The following RBMX2 variants were observed in gnomAD, a reference collection of about 807,000 sequenced individuals.
RBMX2 encodes the protein RNA binding motif protein X-linked 2.
For synonymous variants in RBMX2, 77 were observed against 94.3 expected (o/e 0.82, Z 1.07); for missense variants, 191 against 256.0 (o/e 0.75, Z 1.73).
chrX:130,405,229 A>G (rs1266733184), intron 3 of RBMX2, among the ~76,000 whole-genome samples: 2 of 109,565 alleles, frequency 1.8e-5, no homozygotes, highest in East Asian at 5.7e-4. Context: ...AAATACAAAA[A>G]TTAGCCAGGC....
intron 4 of RBMX2, 69 bp downstream of exon 4, chrX:130,409,455 G>C (rs1319091606): frequency 9.3e-7 from 1 of 1,078,288 alleles, no homozygotes; most frequent in African/African-American, 1.9e-5. Flanking sequence ...TTTCTACCTG[G>C]TTCCCGCAGA....
At chrX:130,402,234 A>ACCCC in intron 1 of RBMX2, 21 bp from the exon 2 acceptor site, 11 of 583,434 alleles carry the variant, frequency 1.9e-5, no homozygotes, top group Non-Finnish European at 2.4e-5. Context: ...TACCCTCCCC[A>ACCCC]CCCCCCCCGC....
intron 4 of RBMX2, among the ~76,000 whole-genome samples, chrX:130,409,862 C>A (rs1489657915): frequency 1.8e-5 from 2 of 112,166 alleles, no homozygotes; most frequent in African/African-American, 6.5e-5. Context: ...TAGTTAAAAT[C>A]TGATGGCAGA....
At chrX:130,403,903 T>C in intron 3 of RBMX2, 50 bp downstream of exon 3, 2 of 1,142,396 alleles carry the variant, frequency 1.8e-6, no homozygotes, top group Non-Finnish European at 2.4e-6. Context: ...GTACTTTGTT[T>C]CTGTAATACA....
intron 3 of RBMX2, among the ~76,000 whole-genome samples, chrX:130,405,785 T>C (rs2034481470): frequency 9.2e-6 from 1 of 108,560 alleles, no homozygotes; most frequent in Non-Finnish European, 1.9e-5. Flanking sequence ...ACAGTGACTA[T>C]TTTAAAAAAT....
chrX:130,410,472 T>C (rs2034506863), intron 4 of RBMX2, among the ~76,000 whole-genome samples: 1 of 110,928 alleles, frequency 9.0e-6, no homozygotes, highest in African/African-American at 3.3e-5. Flanking sequence ...CCACAACCTC[T>C]GTTGCCTGGG....
intron 3 of RBMX2, among the ~76,000 whole-genome samples, chrX:130,405,898 A>C (rs1254748416): frequency 2.3e-5 from 1 of 43,347 alleles, no homozygotes; most frequent in Non-Finnish European, 3.1e-5. Context: ...TCTGTCGCCC[A>C]GGCTGGAGTG....
intron 3 of RBMX2, among the ~76,000 whole-genome samples, chrX:130,406,990 T>C (rs1471846733): frequency 2.7e-5 from 3 of 111,383 alleles, no homozygotes; most frequent in Non-Finnish European, 1.9e-5. Context: ...GAATTTTGGA[T>C]TTTCAGATTA....
chrX:130,408,153 C>T (rs1339336531), intron 3 of RBMX2, among the ~76,000 whole-genome samples: 4 of 100,742 alleles, frequency 4.0e-5, no homozygotes. Context: ...TTTAATTCTG[C>T]CTTCTTGTTT....
rs1239756911 is a variant in RBMX2, at chrX:130,413,178, G to T, written c.*330G>T. 2.6e-5 allele frequency: 4 copies of T among 154,077 alleles called. No homozygotes were observed. Among genetic ancestry groups the T allele is most frequent in the Non-Finnish European group, 4.9e-5 (4 of 81,012 alleles). The allele number at this position is 154,077 out of a possible 1,213,427, so 12.7% of individuals were successfully genotyped here. A position where few individuals can be genotyped will look rare whatever the true frequency, so the allele number is the denominator to read the frequency against. The stretch of plus-strand genomic sequence containing the variant: ...TAGAATTCTAGTCTTCGTGTTAGAT[G>T]TTTATAGCCCAGCATCTTGGGACCT... On this transcript the variant is annotated 3_prime_UTR_variant, in exon 6 of 6. Transcript: ENST00000305536.
At position 130,411,363 on chromosome X, in the gene RBMX2, A is replaced by G; in HGVS notation, c.319A>G (p.Ile107Val). 1 of 1,192,064 alleles carries G rather than the reference A, an allele frequency of 8.4e-7. No individual in the cohort carries two copies. Among genetic ancestry groups the G allele is most frequent in the Non-Finnish European group, 1.1e-6 (1 of 886,825 alleles). Residue 107 changes from isoleucine to valine, a missense_variant, in exon 5 of 6, where the codon ATC becomes GTC. Transcript: ENST00000305536. ...TCTTGCTTAGATCAAAGGAAGAACT[A>G]TCCGAGTGGATCATGTGTCTAACTA... is the stretch of plus-strand genomic sequence containing the variant. ...FNGIKIKGRTIRVDHVSNYRA... is the reference protein window; with the variant it reads ...FNGIKIKGRTVRVDHVSNYRA...
In RBMX2 at chrX:130,412,928, T is replaced by C. The variant is rs2124788186; in HGVS notation, c.*80T>C. ...AATTCAGTTGGGTGGTTACTATTTTTGTATCTAAAACTTCTGGGGCTGGAT... is the reference window on the plus strand; with the variant it reads ...AATTCAGTTGGGTGGTTACTATTTTCGTATCTAAAACTTCTGGGGCTGGAT... On this transcript the variant is annotated 3_prime_UTR_variant, in exon 6 of 6. Transcript: ENST00000305536. The C allele has an allele frequency of 9.9e-7, 1 of 1,006,844 alleles. No homozygotes were observed. The highest frequency in any genetic ancestry group is 3.3e-5 in the East Asian group (1 of 30,224). The allele number at this position is 1,006,844 out of a possible 1,213,427, so 83.0% of individuals were successfully genotyped here. A position where few individuals can be genotyped will look rare whatever the true frequency, so the allele number is the denominator to read the frequency against.
chrX:130,409,299 A>G lies in RBMX2; in HGVS notation c.216A>G (p.Lys72=). ...ACATTAATCTCGTGCGGGACAAGAA[A>G]ACTGGGAAATCCAAAGGATTCTGTT... is the stretch of plus-strand genomic sequence containing the variant. The part of the protein sequence containing the change: ...IVNINLVRDK[K]TGKSKGFCFL... Residue 72 remains lysine (K), a synonymous_variant, in exon 4 of 6, where the codon AAA becomes AAG. Coordinates refer to ENST00000305536, the MANE Select transcript of RBMX2 (RefSeq NM_016024.4). 8.3e-7 allele frequency: 1 copy of G among 1,206,628 alleles called. No homozygotes were observed. Among genetic ancestry groups the G allele is most frequent in the Middle Eastern group, 2.3e-4 (1 of 4,335 alleles).
intron 4 of RBMX2, 97 bp downstream of exon 4, chrX:130,409,483 T>C: frequency 1.1e-6 from 1 of 923,032 alleles, no homozygotes; most frequent in Non-Finnish European, 1.5e-6. Flanking sequence ...GCAGCACTTG[T>C]GAGCTTGGTG....
At chrX:130,403,998 A>G (rs1268000478) in intron 3 of RBMX2, 145 bp downstream of exon 3, 5 of 566,375 alleles carry the variant, frequency 8.8e-6, no homozygotes, top group Non-Finnish European at 1.5e-5. Flanking sequence ...TCTGTTCTAG[A>G]TCAGTCCCAG....
chrX:130,405,671 G>A (rs931417797), intron 3 of RBMX2, among the ~76,000 whole-genome samples: 2 of 110,043 alleles, frequency 1.8e-5, no homozygotes, highest in Non-Finnish European at 3.8e-5. Context: ...GGATCAATAT[G>A]TTAGCATTTT....
Position 130,411,487 on chromosome X carries a change from G to A in RBMX2, c.443G>A (p.Ser148Asn). 8.3e-7 allele frequency: 1 copy of A among 1,199,228 alleles called. No individual in the cohort carries two copies. Among genetic ancestry groups the A allele is most frequent in the Non-Finnish European group, 1.1e-6 (1 of 891,240 alleles). The change falls in exon 5 of 6, where the codon AGC becomes AAC. Residue 148 changes from serine (S) to asparagine (N), a missense_variant. Ser to Asn is a conservative substitution (Grantham distance 46). Coordinates refer to ENST00000305536, the MANE Select transcript of RBMX2 (RefSeq NM_016024.4). ...ACCCCCTCACCAAGTTTGTCTGAGA[G>A]CTCTGAAGATGAAAAACCAACAAAA... ...ARTPSPSLSESSEDEKPTKKH... is the reference protein window; with the variant it reads ...ARTPSPSLSENSEDEKPTKKH...
intron 5 of RBMX2, 148 bp from the exon 6 acceptor site, chrX:130,412,213 A>G: frequency 1.3e-6 from 1 of 770,761 alleles, no homozygotes; most frequent in Non-Finnish European, 1.8e-6. Flanking sequence ...GGCGTGAGCC[A>G]CCGCACCCGG....
Position 130,405,833 on chromosome X carries a change from CTTTTTTTTTTTTTTTTTTTTTTTTTTT to C in RBMX2, c.173+1993_173+2019del, listed in dbSNP as rs770753173. ...GCTTCTCATTATTACTTTGCTTTGCCTTTTTTTTTTTTTTTTTTTTTTTTTTTTTTTTTTTTTTTGAGACGGAGTCTC... is the reference window on the plus strand; with the variant it reads ...GCTTCTCATTATTACTTTGCTTTGCCTTTTTTTTTTTTGAGACGGAGTCTC... On this transcript the variant is annotated intron_variant, in intron 3 of 5. Transcript: ENST00000305536. 8.1e-5 allele frequency among the ~76,000 whole-genome samples: 2 copies of C among 24,630 alleles called. 1 individual carries two copies. Among genetic ancestry groups the C allele is most frequent in the African/African-American group, 4.2e-4 (2 of 4,810 alleles). 21.4% of individuals were successfully genotyped at this position (24,630 alleles called of 115,157 possible).
Sources: allele counts gnomAD v4.1 joint callset (sites outside exome capture counted in the v4.1 genomes callset), GRCh38; gene constraint gnomAD v4.1.1; transcripts MANE v1.5; gene names NCBI Gene and HGNC (gene_info 2026-07-23, HGNC 2026-07-21).